BSN: variants seen among roughly 807,000 people sequenced by gnomAD.
The protein encoded by BSN is protein bassoon.
BSN carries 57 observed loss-of-function variants against 264.8 expected under a neutral mutation model. The ratio of observed to expected loss-of-function variants is 0.22; its 90% CI spans 0.17 to 0.27. The LOEUF (loss-of-function observed/expected upper bound fraction) is 0.27, where lower values mean the gene tolerates loss of function less well. Among genes scored for constraint, BSN ranks in the 10% least tolerant of loss-of-function variants. The pLI is 1.00. For synonymous variants in BSN, 2,059 were observed against 2,137.3 expected (o/e 0.96, Z 1.01); for missense variants, 4,615 against 5,232.5 (o/e 0.88, Z 3.64).
chr3:49,663,196 C>T lies in BSN; in HGVS notation c.11038C>T (p.Arg3680Trp), dbSNP rs1435701515. 17 of 1,613,770 alleles carry T rather than the reference C, an allele frequency of 1.1e-5. No homozygotes were observed. The highest frequency in any genetic ancestry group is 5.5e-5 in the South Asian group (5 of 91,094). ...HARDLGRHEA[R>W]PHSQPSSAPA... is the part of the protein sequence containing the mutation. ...TCGGGACCTGGGTCGCCATGAGGCC[C>T]GGCCCCACTCTCAGCCCAGCTCTGC... Residue 3680 changes from arginine to tryptophan, a missense_variant, in exon 7 of 12, where the codon CGG becomes TGG. Coordinates refer to ENST00000296452, the MANE Select transcript of BSN (RefSeq NM_003458.4).
Position 49,654,851 on chromosome 3 carries a change from G to A in BSN, c.5295G>A (p.Gly1765=), listed in dbSNP as rs2052582198. The change falls in exon 5 of 12, where the codon GGG becomes GGA. Residue 1765 remains glycine, a synonymous_variant. Coordinates refer to ENST00000296452, the MANE Select transcript of BSN (RefSeq NM_003458.4). The surrounding 1 kb of genome is among the most constrained non-coding windows in gnomAD (Gnocchi z 4.1). ...YQSRLDFGQG[G]GSPVCLAQVK... Reference sequence around the variant, plus strand: ...GCCGCCTTGACTTTGGCCAGGGTGGGGGTAGCCCTGTGTGCCTGGCCCAGG... The same window carrying A: ...GCCGCCTTGACTTTGGCCAGGGTGGAGGTAGCCCTGTGTGCCTGGCCCAGG... The A allele has an allele frequency of 2.5e-6, 4 of 1,613,396 alleles. No individual in the cohort carries two copies. Among genetic ancestry groups the A allele is most frequent in the Non-Finnish European group, 3.4e-6 (4 of 1,180,000 alleles).
chr3:49,628,079 G>C (rs1361992464), intron 2 of BSN, among the ~76,000 whole-genome samples: 1 of 152,228 alleles, frequency 6.6e-6, no homozygotes, highest in Non-Finnish European at 1.5e-5. Flanking sequence ...TCCCAGAGAA[G>C]GACGTGGGCC....
intron 1 of BSN, among the ~76,000 whole-genome samples, chr3:49,569,880 A>G (rs2051783047): frequency 6.6e-6 from 1 of 152,174 alleles, no homozygotes; most frequent in Non-Finnish European, 1.5e-5. Context: ...AGCTGGAGTG[A>G]CAGTCGTGTG....
Position 49,650,879 on chromosome 3 carries a change from T to C in BSN, c.1786T>C (p.Ser596Pro). ...ASPQAKPLRA[S>P]EPSKTPSSVQ... Reference sequence around the variant, plus strand: ...CCCCCAGGCCAAGCCCCTCAGGGCTTCTGAACCCAGCAAGACCCCAAGCAG... The same window carrying C: ...CCCCCAGGCCAAGCCCCTCAGGGCTCCTGAACCCAGCAAGACCCCAAGCAG... Residue 596 changes from serine to proline, a missense_variant, in exon 4 of 12, where the codon TCT becomes CCT. Ser to Pro is a moderately conservative substitution (Grantham distance 74). Coordinates refer to ENST00000296452, the MANE Select transcript of BSN (RefSeq NM_003458.4). 1 of 1,614,130 alleles carries C rather than the reference T, an allele frequency of 6.2e-7. No homozygotes were observed.
intron 1 of BSN, among the ~76,000 whole-genome samples, chr3:49,619,959 C>T (rs987642215): frequency 1.4e-5 from 2 of 142,172 alleles, no homozygotes; most frequent in African/African-American, 5.2e-5. Flanking sequence ...GAGGAAAGCA[C>T]ACGGAGACTG....
chr3:49,642,832 T>C lies in BSN; in HGVS notation c.1198T>C (p.Leu400=). ...CAGCAAGGAGGCTGGCCCAAAACCC[T>C]TGGGCTCAGGGCCCGGGCCTGGGCC... ...DASKEAGPKP[L]GSGPGPGPAP... The change falls in exon 3 of 12, where the codon TTG becomes CTG. Residue 400 remains leucine (L), a synonymous_variant. Coordinates refer to ENST00000296452, the MANE Select transcript of BSN (RefSeq NM_003458.4). This position sits in a 1 kb window ranked among gnomAD's most constrained non-coding sequence, Gnocchi z 7.0. The C allele has an allele frequency of 1.2e-6, 2 of 1,613,094 alleles. No homozygotes were observed. The highest frequency in any genetic ancestry group is 8.5e-7 in the Non-Finnish European group (1 of 1,179,674).
chr3:49,662,366 C>T lies in BSN; in HGVS notation c.10521C>T (p.Pro3507=), dbSNP rs758951800. Residue 3507 remains proline, a synonymous_variant, in exon 6 of 12, where the codon CCC becomes CCT. Transcript: ENST00000296452. The part of the protein sequence containing the change: ...MRSQASEEES[P]VSPLGRPRPA... ...GCCAGGCCTCTGAAGAGGAGAGCCC[C>T]GTCAGTCCTTTGGGGAGGCCCCGCC... 1.1e-5 allele frequency: 18 copies of T among 1,613,436 alleles called. No individual in the cohort carries two copies. Among genetic ancestry groups the T allele is most frequent in the Middle Eastern group, 1.6e-4 (1 of 6,070 alleles).
chr3:49,600,065 C>T (rs1480296128), intron 1 of BSN, among the ~76,000 whole-genome samples: 1 of 152,218 alleles, frequency 6.6e-6, no homozygotes, highest in Non-Finnish European at 1.5e-5. Context: ...GGCAAGCAAG[C>T]AGCTCATCAT....
intron 3 of BSN, among the ~76,000 whole-genome samples, chr3:49,644,303 C>T (rs977061932): frequency 2.0e-5 from 3 of 152,186 alleles, no homozygotes; most frequent in Non-Finnish European, 2.9e-5. Flanking sequence ...CCACCACTGG[C>T]CCAGGATGGG....
chr3:49,625,284 C>T lies in BSN; in HGVS notation c.534C>T (p.Leu178=), dbSNP rs780086760. 3 of 1,603,240 alleles carry T rather than the reference C, an allele frequency of 1.9e-6. No homozygotes were observed. The Admixed American group carries it at 5.2e-5, about 28-fold the overall frequency. The change falls in exon 2 of 12, where the codon CTC becomes CTT. Residue 178 remains leucine, a synonymous_variant. Coordinates refer to ENST00000296452, the MANE Select transcript of BSN (RefSeq NM_003458.4). The surrounding 1 kb of genome is among the most constrained non-coding windows in gnomAD (Gnocchi z 4.4). ...GTCCCATATGCAAGACTTCGGACCT[C>T]ACGTCGACCCCCAGCCAGCCAAACT... ...TLCPICKTSD[L]TSTPSQPNFN...
chr3:49,628,909 G>C (rs2052363924), intron 2 of BSN, among the ~76,000 whole-genome samples: 1 of 152,142 alleles, frequency 6.6e-6, no homozygotes, highest in Non-Finnish European at 1.5e-5. Context: ...TCTTCTTGGT[G>C]GAGGCCATTT....
rs565432267 is a variant in BSN at position 49,617,728 on chromosome 3, G to T, written c.225-7247G>T. ...TTCCCTCCTGAGGAGGCCTTGGACG[G>T]GTGTAGTCACTGTGGCTCTCATGGA... On this transcript the variant is annotated intron_variant, in intron 1 of 11. Transcript: ENST00000296452. Among the ~76,000 whole-genome samples the T allele has an allele frequency of 9.2e-5, 14 of 152,272 alleles. No individual in the cohort carries two copies. The East Asian group carries it at 2.5e-3, about 27-fold the overall frequency.
At position 49,653,145 on chromosome 3, in the gene BSN, C is replaced by G. The variant is rs775862879; in HGVS notation, c.3589C>G (p.Leu1197Val). ...TGAGGAGATGATGCGCAAAGCTGAGCTGCTCCAGAGGCAGCAAGGCCAGGC... is the reference window on the plus strand; with the variant it reads ...TGAGGAGATGATGCGCAAAGCTGAGGTGCTCCAGAGGCAGCAAGGCCAGGC... Reference protein sequence around the residue: ...AYEEMMRKAELLQRQQGQAAG... With the variant: ...AYEEMMRKAEVLQRQQGQAAG... Residue 1197 changes from leucine (L) to valine (V), a missense_variant, in exon 5 of 12, where the codon CTG (leucine) becomes GTG (valine). Transcript: ENST00000296452. The surrounding 1 kb of genome is among the most constrained non-coding windows in gnomAD (Gnocchi z 6.3). The G allele has an allele frequency of 1.9e-6, 3 of 1,613,126 alleles. No individual in the cohort carries two copies. Among genetic ancestry groups the G allele is most frequent in the Admixed American group, 3.3e-5 (2 of 60,000 alleles).
intron 1 of BSN, among the ~76,000 whole-genome samples, chr3:49,588,748 C>A (rs1209027816): frequency 2.0e-5 from 3 of 152,076 alleles, no homozygotes; most frequent in Non-Finnish European, 4.4e-5. Context: ...AAATTTATTT[C>A]TGTTATTGAT....
At chr3:49,618,666 C>T (rs2052280324) in intron 1 of BSN, among the ~76,000 whole-genome samples, 1 of 152,242 alleles carries the variant, frequency 6.6e-6, no homozygotes, top group Non-Finnish European at 1.5e-5. Context: ...GCATGCTCTG[C>T]TGTGCCTCTG....
At chr3:49,627,411 G>A (rs986667993) in intron 2 of BSN, among the ~76,000 whole-genome samples, 2 of 152,172 alleles carry the variant, frequency 1.3e-5, no homozygotes, top group Admixed American at 6.5e-5. Flanking sequence ...TGGTGTTCTT[G>A]TTAAGGAAAA....
In BSN at chr3:49,657,499, C is replaced by T. The variant is rs758668498; in HGVS notation, c.7943C>T (p.Thr2648Ile). ...GGCTCTGACAGCAAGCACGATGCCACTGCCTCATCATCCAGTGCTGCTGCC... is the reference window on the plus strand; with the variant it reads ...GGCTCTGACAGCAAGCACGATGCCATTGCCTCATCATCCAGTGCTGCTGCC... ...DSGSDSKHDA[T>I]ASSSSAAATV... Residue 2648 changes from threonine (T) to isoleucine (I), a missense_variant, in exon 5 of 12, where the codon ACT becomes ATT. Physicochemically the swap from Thr to Ile is moderately conservative, Grantham distance 89. This residue lies in a region of BSN where 3,415 missense variants were observed against 3,866.4 expected (regional missense o/e 0.88). Coordinates refer to ENST00000296452, the MANE Select transcript of BSN (RefSeq NM_003458.4). The T allele has an allele frequency of 6.2e-7, 1 of 1,613,238 alleles. No individual in the cohort carries two copies. The highest frequency in any genetic ancestry group is 1.6e-4 in the Middle Eastern group (1 of 6,062).
Position 49,656,071 on chromosome 3 carries a change from G to T in BSN, c.6515G>T (p.Gly2172Val). 1 of 1,610,252 alleles carries T rather than the reference G, an allele frequency of 6.2e-7. No individual in the cohort carries two copies. The change falls in exon 5 of 12, where the codon GGC (glycine) becomes GTC (valine). Residue 2172 changes from glycine to valine, a missense_variant. Physicochemically the swap from Gly to Val is moderately radical, Grantham distance 109 (BLOSUM62 -3). This residue lies in a region of BSN where 3,415 missense variants were observed against 3,866.4 expected (regional missense o/e 0.88). Transcript: ENST00000296452. Reference sequence around the variant, plus strand: ...TTGGCCCAGTATGGGCCTGCAGCAGGCCAAGGAACAGCAGTCAGACAGCTG... The same window carrying T: ...TTGGCCCAGTATGGGCCTGCAGCAGTCCAAGGAACAGCAGTCAGACAGCTG... ...GNLAQYGPAA[G>V]QGTAVRQLLP... is the part of the protein sequence containing the mutation.
rs1231809306 is a variant in BSN at position 49,654,458 on chromosome 3, C to A, written c.4902C>A (p.Ala1634=). 1 of 1,605,948 alleles carries A rather than the reference C, an allele frequency of 6.2e-7. No homozygotes were observed. The highest frequency in any genetic ancestry group is 8.5e-7 in the Non-Finnish European group (1 of 1,176,460). ...DGPLALYGWG[A]LPAENISLCR... is the part of the protein sequence containing the mutation. ...CCCTGGCACTATATGGCTGGGGTGC[C>A]CTCCCTGCTGAGAACATCTCCCTGT... is the stretch of plus-strand genomic sequence containing the variant. The change falls in exon 5 of 12, where the codon GCC becomes GCA. Residue 1634 remains alanine (A), a synonymous_variant. Coordinates refer to ENST00000296452, the MANE Select transcript of BSN (RefSeq NM_003458.4). The surrounding 1 kb of genome is among the most constrained non-coding windows in gnomAD (Gnocchi z 4.1).
Sources: allele counts gnomAD v4.1 joint callset (sites outside exome capture counted in the v4.1 genomes callset), GRCh38; gene constraint gnomAD v4.1.1; regional missense constraint gnomAD v4.1.1; non-coding constraint Gnocchi (gnomAD v3.1); transcripts MANE v1.5; gene names NCBI Gene and HGNC (gene_info 2026-07-23, HGNC 2026-07-21).